The following EYA4 variants were observed in gnomAD, a reference collection of about 807,000 sequenced individuals.
The protein encoded by EYA4 is EYA transcriptional coactivator and phosphatase 4.
In EYA4, 31 loss-of-function variants were observed where a neutral mutation model predicts 87.9. That is an observed-to-expected ratio of 0.35 (90% CI 0.27 to 0.48). EYA4 has a LOEUF of 0.48. Ranked by LOEUF, EYA4 falls within the 20% of genes least tolerant of loss-of-function variation. The pLI is 0.99. For missense variants in EYA4, 678 were observed against 761.4 expected, an observed-to-expected ratio of 0.89 and a Z score of 1.29; for synonymous variants, 263 against 270.6, an observed-to-expected ratio of 0.97 and a Z score of 0.28.
intron 13 of EYA4, among the ~76,000 whole-genome samples, chr6:133,498,484 T>C (rs1344607854): frequency 6.6e-6 from 1 of 152,236 alleles, no homozygotes; most frequent in Non-Finnish European, 1.5e-5. Flanking sequence ...CAAGGAAATC[T>C]GGAATACAGG....
chr6:133,325,897 C>G (rs1482935596), intron 2 of EYA4, among the ~76,000 whole-genome samples: 2 of 152,182 alleles, frequency 1.3e-5, no homozygotes, highest in Non-Finnish European at 2.9e-5. Context: ...AGTTTGCCAG[C>G]CACTCCTTGC....
Position 133,319,722 on chromosome 6 carries a change from C to CTTT in EYA4, c.33+44919_33+44921dup, listed in dbSNP as rs58829338. Among the ~76,000 whole-genome samples the CTTT allele has an allele frequency of 9.6e-4, 138 of 143,318 alleles. 1 individual carries two copies. The highest frequency in any genetic ancestry group is 7.5e-3 in the Admixed American group (107 of 14,358). 94.0% of individuals were successfully genotyped at this position (143,318 alleles called of 152,430 possible). A position where few individuals can be genotyped will look rare whatever the true frequency, so the allele number is the denominator to read the frequency against. Reference sequence around the variant, plus strand: ...TCTGATTTTTTTCTTTTCTTTTCTTCTTTTTTTTTTTTGAGATATTGCTTC... The same window carrying CTTT: ...TCTGATTTTTTTCTTTTCTTTTCTTCTTTTTTTTTTTTTTTGAGATATTGCTTC... On this transcript the variant is annotated intron_variant, in intron 2 of 19. Coordinates refer to ENST00000355286, the MANE Select transcript of EYA4 (RefSeq NM_004100.5).
intron 1 of EYA4, among the ~76,000 whole-genome samples, chr6:133,243,615 C>T (rs989484393): frequency 9.5e-5 from 14 of 147,894 alleles, no homozygotes; most frequent in African/African-American, 3.5e-4. Flanking sequence ...ACTTGAATTC[C>T]TTTCCCGGGT....
intron 3 of EYA4, among the ~76,000 whole-genome samples, chr6:133,406,857 G>A (rs771052621): frequency 2.0e-5 from 3 of 152,264 alleles, no homozygotes; most frequent in African/African-American, 4.8e-5. Context: ...AGGTTTTCGA[G>A]TGTAAATTAG....
At position 133,466,727 on chromosome 6, in the gene EYA4, T is replaced by C. The variant is rs9493625; in HGVS notation, c.805-1839T>C. On this transcript the variant is annotated intron_variant, in intron 10 of 19. Coordinates refer to ENST00000355286, the MANE Select transcript of EYA4 (RefSeq NM_004100.5). ...GGTGTTTCAGGCAAAGAAAGCAGAG[T>C]GTACCAAATCCCCAATGGATGGAAA... Among the ~76,000 whole-genome samples the C allele has an allele frequency of 1.8e-3, 274 of 150,306 alleles. 2 individuals carry two copies. The highest frequency in any genetic ancestry group is 6.4e-3 in the African/African-American group (263 of 40,840).
chr6:133,258,549 AAC>A (rs1775535980), intron 1 of EYA4, among the ~76,000 whole-genome samples: 2 of 152,162 alleles, frequency 1.3e-5, no homozygotes, highest in Non-Finnish European at 2.9e-5. Flanking sequence ...AGTACCCTGT[AAC>A]AGAGACTTCA....
intron 5 of EYA4, among the ~76,000 whole-genome samples, chr6:133,455,979 C>T (rs1583326387): frequency 6.6e-6 from 1 of 152,094 alleles, no homozygotes; most frequent in African/African-American, 2.4e-5. Context: ...TTTTTCTACG[C>T]TTATCTCTAA....
chr6:133,412,217 G>C (rs1327316991), intron 3 of EYA4, among the ~76,000 whole-genome samples: 1 of 152,144 alleles, frequency 6.6e-6, no homozygotes, highest in African/African-American at 2.4e-5. Flanking sequence ...TGACTTTCAT[G>C]ATGTAAGTGT....
chr6:133,525,244 C>A lies in EYA4; in HGVS notation c.1829C>A (p.Ala610Glu), dbSNP rs1452742979. 19 of 1,612,714 alleles carry A rather than the reference C, an allele frequency of 1.2e-5. No homozygotes were observed. The highest frequency in any genetic ancestry group is 1.4e-5 in the Non-Finnish European group (16 of 1,179,114). The part of the protein sequence containing the change: ...VIGDGVEEEQ[A>E]AKKHNMPFWR... ...GGGGATGGTGTAGAAGAAGAACAGG[C>A]AGCAAAAAAGGTAACCTGTCTCAAA... Residue 610 changes from alanine to glutamate, a missense_variant, in exon 19 of 20, where the codon GCA becomes GAA. Coordinates refer to ENST00000355286, the MANE Select transcript of EYA4 (RefSeq NM_004100.5).
chr6:133,366,511 C>G (rs1348957071), intron 2 of EYA4, among the ~76,000 whole-genome samples: 1 of 152,160 alleles, frequency 6.6e-6, no homozygotes. Context: ...TGCATTTGCC[C>G]ACAGCCCCAC....
chr6:133,254,962 T>C (rs1775221310), intron 1 of EYA4, among the ~76,000 whole-genome samples: 1 of 152,234 alleles, frequency 6.6e-6, no homozygotes, highest in Admixed American at 6.5e-5. Flanking sequence ...CAGACTACCT[T>C]TGTGTGTATC....
rs1562487211 is a variant in EYA4 at position 133,495,484 on chromosome 6, A to ATATTCATTTATT, written c.1192-10620_1192-10619insTTCATTTATTTA. Among the ~76,000 whole-genome samples the ATATTCATTTATT allele has an allele frequency of 3.8e-3, 161 of 42,430 alleles. 23 individuals carry two copies. The highest frequency in any genetic ancestry group is 0.014 in the African/African-American group (143 of 10,088). 27.8% of individuals were successfully genotyped at this position (42,430 alleles called of 152,430 possible). A position where few individuals can be genotyped will look rare whatever the true frequency, so the allele number is the denominator to read the frequency against. ...TATTTATAAATAAATATAAAGAAAT[A>ATATTCATTTATT]TAGAAGAGAGAGGTAGGCAAGGGCT... On this transcript the variant is annotated intron_variant, in intron 13 of 19. Transcript: ENST00000355286.
intron 2 of EYA4, among the ~76,000 whole-genome samples, chr6:133,290,674 A>C (rs1214596940): frequency 6.6e-6 from 1 of 152,210 alleles, no homozygotes; most frequent in Non-Finnish European, 1.5e-5. Context: ...AGAGGGCTCC[A>C]GGACTAGTTT....
intron 2 of EYA4, among the ~76,000 whole-genome samples, chr6:133,357,163 T>C (rs1784120705): frequency 6.8e-6 from 1 of 146,176 alleles, no homozygotes; most frequent in African/African-American, 2.6e-5. Flanking sequence ...CCCAGCTACT[T>C]GGGAGGCTGA....
At position 133,241,678 on chromosome 6, in the gene EYA4, A is replaced by G. The variant is rs1479289703; in HGVS notation, c.-137A>G. 1 of 152,220 alleles carries G rather than the reference A, an allele frequency of 6.6e-6. No individual in the cohort carries two copies. Among genetic ancestry groups the G allele is most frequent in the East Asian group, 1.9e-4 (1 of 5,170 alleles). The allele number at this position is 152,220 out of a possible 1,614,324, so 9.4% of individuals were successfully genotyped here. A position where few individuals can be genotyped will look rare whatever the true frequency, so the allele number is the denominator to read the frequency against. On this transcript the variant is annotated 5_prime_UTR_variant, in exon 1 of 20. It adds an upstream start codon to the 5' untranslated region. Transcript: ENST00000355286. ...GACACTGGAAGGAACGAGAATAAAT[A>G]CTTAATTACGGACGCACTGAACCGC... is the stretch of plus-strand genomic sequence containing the variant.
At chr6:133,428,911 CTTTTTTTTTTTTTTTTTT>C (rs58727159) in intron 3 of EYA4, among the ~76,000 whole-genome samples, 2 of 48,230 alleles carry the variant, frequency 4.1e-5, no homozygotes, top group African/African-American at 7.6e-5. Context: ...GATTTAGCTT[CTTTTTTTTTTTTTTTTTT>C]TTTTTTTTTT....
At chr6:133,526,611 T>G (rs1800657108) in intron 19 of EYA4, among the ~76,000 whole-genome samples, 1 of 152,176 alleles carries the variant, frequency 6.6e-6, no homozygotes, top group African/African-American at 2.4e-5. Flanking sequence ...CACCTCAGCC[T>G]TCATTAGCAG....
chr6:133,359,975 C>T (rs915378413), intron 2 of EYA4, among the ~76,000 whole-genome samples: 12 of 152,174 alleles, frequency 7.9e-5, no homozygotes, highest in Non-Finnish European at 1.5e-4. Context: ...AGAGAAAGAA[C>T]GCTATGTACA....
At chr6:133,527,038 C>G (rs1800695434) in intron 19 of EYA4, among the ~76,000 whole-genome samples, 1 of 152,150 alleles carries the variant, frequency 6.6e-6, no homozygotes, top group Non-Finnish European at 1.5e-5. Flanking sequence ...AGTTGTTATA[C>G]CTAAAACTTC....
Sources: gnomAD v4.1 joint callset for allele counts (sites outside exome capture counted in the v4.1 genomes callset) on GRCh38, gnomAD v4.1.1 for gene constraint, MANE v1.5 for transcripts, NCBI Gene and HGNC (gene_info 2026-07-23, HGNC 2026-07-21) for gene names.